ZBTB40: variants seen among roughly 807,000 people sequenced by gnomAD.
ZBTB40 encodes the protein zinc finger and BTB domain-containing protein 40.
In ZBTB40, 60 loss-of-function variants were observed where a neutral mutation model predicts 117.5. The ratio of observed to expected loss-of-function variants is 0.51; its 90% CI spans 0.41 to 0.63. ZBTB40 has a LOEUF of 0.63. Ranked by LOEUF, ZBTB40 falls within the 30% of genes least tolerant of loss-of-function variation. The pLI is 0.00. For missense variants in ZBTB40, 1,287 were observed against 1,498.5 expected (o/e 0.86, Z 2.33); for synonymous variants, 525 against 577.1 (o/e 0.91, Z 1.29).
chr1:22,497,013 A>C (rs1638796493), intron 3 of ZBTB40, among the ~76,000 whole-genome samples: 1 of 152,216 alleles, frequency 6.6e-6, no homozygotes, highest in African/African-American at 2.4e-5. Flanking sequence ...GTGTAAGTCC[A>C]AGAATGCAAA....
At chr1:22,462,220 G>T (rs1471733459) in intron 1 of ZBTB40, among the ~76,000 whole-genome samples, 1 of 152,146 alleles carries the variant, frequency 6.6e-6, no homozygotes, top group African/African-American at 2.4e-5. Context: ...TAAAGTTTGG[G>T]CAGTATCACT....
intron 13 of ZBTB40, among the ~76,000 whole-genome samples, chr1:22,519,176 TG>T (rs1639455083): frequency 1.3e-5 from 2 of 152,260 alleles, no homozygotes; most frequent in Non-Finnish European, 2.9e-5. Context: ...TCTGAATCAA[TG>T]CACATAAAAG....
chr1:22,512,142 C>G lies in ZBTB40; in HGVS notation c.2461+8C>G, dbSNP rs1361127456. The G allele has an allele frequency of 1.2e-5, 19 of 1,612,358 alleles. No individual in the cohort carries two copies. In the Admixed American group the frequency reaches 2.3e-4, roughly 20 times the overall value. On this transcript the variant is annotated splice_region_variant and intron_variant, in intron 11 of 17. Coordinates refer to ENST00000375647, the MANE Select transcript of ZBTB40 (RefSeq NM_014870.4). ...AATTTGCCCATGCCTCAGGTACGTT[C>G]AAGAAGGCAAAGGAACAGAGGATGA...
In ZBTB40 at chr1:22,528,093, C is replaced by T. The variant is rs920239209; in HGVS notation, c.*1697C>T. On this transcript the variant is annotated 3_prime_UTR_variant, in exon 18 of 18. Transcript: ENST00000375647. ...ACTGACCAGAAGATGGTGCTCAAAC[C>T]TTTAAGACTTCATCTCCATGTGAAG... The T allele has an allele frequency of 1.3e-5, 2 of 152,818 alleles. No individual in the cohort carries two copies. The highest frequency in any genetic ancestry group is 4.1e-4 in the South Asian group (2 of 4,830). 9.5% of individuals were successfully genotyped at this position (152,818 alleles called of 1,614,324 possible).
chr1:22,493,294 T>C (rs902782666), intron 3 of ZBTB40, among the ~76,000 whole-genome samples: 2 of 152,222 alleles, frequency 1.3e-5, no homozygotes, highest in Admixed American at 6.5e-5. Flanking sequence ...TGCAAATCAC[T>C]TGGTGGCTGT....
intron 1 of ZBTB40, among the ~76,000 whole-genome samples, chr1:22,468,004 G>A (rs1641299079): frequency 6.6e-6 from 1 of 151,152 alleles, no homozygotes; most frequent in Admixed American, 6.6e-5. Context: ...CGGGAGGATT[G>A]CTTCAGCCCA....
At chr1:22,518,837 C>G (rs964660369) in intron 13 of ZBTB40, among the ~76,000 whole-genome samples, 1 of 152,198 alleles carries the variant, frequency 6.6e-6, no homozygotes, top group Non-Finnish European at 1.5e-5. Context: ...TCCTCTTGAC[C>G]TCTTTAATGA....
Position 22,511,173 on chromosome 1 carries a change from A to G in ZBTB40, c.1834-6A>G. The G allele has an allele frequency of 6.2e-7, 1 of 1,611,252 alleles. No individual in the cohort carries two copies. Among genetic ancestry groups the G allele is most frequent in the Non-Finnish European group, 8.5e-7 (1 of 1,179,632 alleles). ...CCCACACCTTTGTCTCCTGGTATTCATTTAGATTCTGAGCATTCCCTCTGA... is the reference window on the plus strand; with the variant it reads ...CCCACACCTTTGTCTCCTGGTATTCGTTTAGATTCTGAGCATTCCCTCTGA... On this transcript the variant is annotated splice_region_variant and splice_polypyrimidine_tract_variant and intron_variant, in intron 9 of 17. Transcript: ENST00000375647.
chr1:22,496,095 A>G (rs1210266888), intron 3 of ZBTB40, among the ~76,000 whole-genome samples: 1 of 152,252 alleles, frequency 6.6e-6, no homozygotes, highest in Non-Finnish European at 1.5e-5. Context: ...GGAGCTAACA[A>G]GACCTGCATA....
intron 12 of ZBTB40, among the ~76,000 whole-genome samples, chr1:22,514,941 G>A (rs2124463555): frequency 6.6e-6 from 1 of 152,234 alleles, no homozygotes; most frequent in Non-Finnish European, 1.5e-5. Context: ...CCTGTCATGG[G>A]ACTTACATCC....
intron 12 of ZBTB40, among the ~76,000 whole-genome samples, chr1:22,516,230 C>T (rs1038937191): frequency 6.6e-5 from 10 of 151,956 alleles, no homozygotes; most frequent in Non-Finnish European, 1.3e-4. Context: ...TTTGAGCTCC[C>T]AAAACAGATG....
intron 1 of ZBTB40, among the ~76,000 whole-genome samples, chr1:22,483,499 G>A (rs1444403322): frequency 6.6e-6 from 1 of 152,178 alleles, no homozygotes; most frequent in African/African-American, 2.4e-5. Flanking sequence ...ATAGGTGTGT[G>A]ATGGTATCTT....
rs187428695 is a variant in ZBTB40, at chr1:22,442,153, T to C, written c.-70+13139T>C. 3.0e-3 allele frequency among the ~76,000 whole-genome samples: 458 copies of C among 152,370 alleles called. 3 individuals carry two copies. Among genetic ancestry groups the C allele is most frequent in the Non-Finnish European group, 4.5e-3 (309 of 68,040 alleles). ...AAGATACTTTATATGATCTTTATCT[T>C]TTTAAGTCTATTGAGACTTACTTTT... On this transcript the variant is annotated intron_variant, in intron 1 of 8. Coordinates refer to the ZBTB40 transcript ENST00000650433.
At chr1:22,511,440 C>T in intron 10 of ZBTB40, 93 bp downstream of exon 10, 7 of 1,534,276 alleles carry the variant, frequency 4.6e-6, no homozygotes, top group East Asian at 2.3e-5. Flanking sequence ...TAGTTTATCA[C>T]AACCTTAAGT....
At chr1:22,444,303 C>G (rs1640765129) in intron 1 of ZBTB40, among the ~76,000 whole-genome samples, 1 of 151,998 alleles carries the variant, frequency 6.6e-6, no homozygotes, top group Non-Finnish European at 1.5e-5. Context: ...ACCTGTAGTC[C>G]TAGCTACTTG....
rs1639241080 is a variant in ZBTB40 at position 22,511,716 on chromosome 1, G to A, written c.2043G>A (p.Lys681=). 1 of 1,608,784 alleles carries A rather than the reference G, an allele frequency of 6.2e-7. No individual in the cohort carries two copies. The change falls in exon 11 of 18, where the codon AAG becomes AAA. Residue 681 remains lysine (K), a synonymous_variant. Transcript: ENST00000375647. ...TKEDGEKETW[K]VSNKFHLEAN... is the part of the protein sequence containing the mutation. The stretch of plus-strand genomic sequence containing the variant: ...AAGATGGAGAGAAGGAAACGTGGAA[G>A]GTGAGTAATAAATTTCACCTTGAAG...
At position 22,443,949 on chromosome 1, in the gene ZBTB40, G is replaced by A. The variant is rs537835651; in HGVS notation, c.-70+14935G>A. On this transcript the variant is annotated intron_variant, in intron 1 of 8. Coordinates refer to the ZBTB40 transcript ENST00000650433. ...CATGTCCAACCTCCCTTCCCATCAT[G>A]GCTTGAACTAGTTTTTCAGGTTTCT... is the stretch of plus-strand genomic sequence containing the variant. Among the ~76,000 whole-genome samples the A allele has an allele frequency of 6.4e-4, 98 of 152,236 alleles. No homozygotes were observed. In the South Asian group the frequency reaches 0.011, roughly 16 times the overall value.
Position 22,526,286 on chromosome 1 carries a change from G to C in ZBTB40, c.3610G>C (p.Val1204Leu), listed in dbSNP as rs1335943096. The change falls in exon 18 of 18, where the codon GTG (valine) becomes CTG (leucine). Residue 1204 changes from valine (V) to leucine (L), a missense_variant. Val to Leu is a conservative substitution (Grantham distance 32, BLOSUM62 1). This residue lies in a region of ZBTB40 where 417 missense variants were observed against 564.1 expected (regional missense o/e 0.74). Coordinates refer to ENST00000375647, the MANE Select transcript of ZBTB40 (RefSeq NM_014870.4). Reference sequence around the variant, plus strand: ...CCAGCTTGCCGGGTCGCAGGTGTTTGTGACGTTGCCAGATTCTCAGGCATC... The same window carrying C: ...CCAGCTTGCCGGGTCGCAGGTGTTTCTGACGTTGCCAGATTCTCAGGCATC... ...ETQLAGSQVF[V>L]TLPDSQASQA... 1.9e-6 allele frequency: 3 copies of C among 1,614,110 alleles called. No homozygotes were observed. Among genetic ancestry groups the C allele is most frequent in the South Asian group, 2.2e-5 (2 of 91,094 alleles).
upstream of ZBTB40, among the ~76,000 whole-genome samples, chr1:22,448,526 C>G (rs1640814137): frequency 6.6e-6 from 1 of 152,130 alleles, no homozygotes; most frequent in East Asian, 1.9e-4. Context: ...AAAGTTATTA[C>G]TACAGGTTGA....
Sources: allele counts gnomAD v4.1 joint callset (sites outside exome capture counted in the v4.1 genomes callset), GRCh38; gene constraint gnomAD v4.1.1; regional missense constraint gnomAD v4.1.1; transcripts MANE v1.5; gene names NCBI Gene and HGNC (gene_info 2026-07-23, HGNC 2026-07-21).